PARD3: variants seen among roughly 807,000 people sequenced by gnomAD.
The protein encoded by PARD3 is partitioning defective 3 homolog.
In PARD3, 75 loss-of-function variants were observed where a neutral mutation model predicts 155.4. That is an observed-to-expected ratio of 0.48 (90% CI 0.40 to 0.58). The LOEUF is 0.58. Ranked by LOEUF, PARD3 falls within the 20% of genes least tolerant of loss-of-function variation. The pLI, the probability that PARD3 is intolerant of heterozygous loss-of-function variation, is 0.00. For synonymous variants in PARD3, 576 were observed against 610.5 expected, an observed-to-expected ratio of 0.94 and a Z score of 0.83; for missense variants, 1,642 against 1,721.7, an observed-to-expected ratio of 0.95 and a Z score of 0.82.
chr10:34,553,142 G>A (rs1243599459), intron 2 of PARD3, among the ~76,000 whole-genome samples: 1 of 152,142 alleles, frequency 6.6e-6, no homozygotes, highest in Non-Finnish European at 1.5e-5. Context: ...GATCCACCAA[G>A]CCTGGGAAAT....
At chr10:34,312,150 A>T in intron 20 of PARD3, 1 of 879,058 alleles carries the variant, frequency 1.1e-6, no homozygotes, top group Non-Finnish European at 1.7e-6. Flanking sequence ...AGCGTAATTT[A>T]AACCCCAAGC....
intron 3 of PARD3, among the ~76,000 whole-genome samples, chr10:34,508,199 A>G (rs1207660050): frequency 2.6e-5 from 4 of 152,242 alleles, no homozygotes; most frequent in Non-Finnish European, 4.4e-5. Flanking sequence ...TTAATTAAAT[A>G]CCATCATTTC....
chr10:34,348,244 C>T, intron 14 of PARD3, 129 bp from the exon 15 acceptor site: 1 of 679,312 alleles, frequency 1.5e-6, no homozygotes, highest in Non-Finnish European at 2.2e-6. Context: ...GAACTTTTCA[C>T]CCTGTACCAA....
At chr10:34,653,719 G>A (rs1590424636) in intron 2 of PARD3, among the ~76,000 whole-genome samples, 2 of 150,586 alleles carry the variant, frequency 1.3e-5, no homozygotes, top group Non-Finnish European at 1.5e-5. Flanking sequence ...GGAGCTCAAG[G>A]ATGCAGTGAG....
Position 34,814,962 on chromosome 10 carries a change from C to G in PARD3, c.34G>C (p.Val12Leu). 1.9e-6 allele frequency: 3 copies of G among 1,557,900 alleles called. No homozygotes were observed. The highest frequency in any genetic ancestry group is 2.6e-6 in the Non-Finnish European group (3 of 1,154,234). ...KVTVCFGRTR[V>L]VVPCGDGHMK... Reference sequence around the variant, plus strand: ...TGGCCGTCCCCGCACGGCACGACCACCCGGGTCCGTCCGAAGCACACGGTC... The same window carrying G: ...TGGCCGTCCCCGCACGGCACGACCAGCCGGGTCCGTCCGAAGCACACGGTC... Residue 12 changes from valine (V) to leucine (L), a missense_variant, in exon 1 of 25, where the codon GTG becomes CTG. Physicochemically the swap from Val to Leu is conservative, Grantham distance 32. Coordinates refer to ENST00000374788, the MANE Select transcript of PARD3 (RefSeq NM_001184785.2).
intron 2 of PARD3, among the ~76,000 whole-genome samples, chr10:34,691,383 C>A (rs1203605124): frequency 6.6e-6 from 1 of 152,056 alleles, no homozygotes; most frequent in Non-Finnish European, 1.5e-5. Flanking sequence ...ATACAGCTAA[C>A]CAAAGAAACG....
intron 2 of PARD3, among the ~76,000 whole-genome samples, chr10:34,596,362 A>T (rs1048185426): frequency 3.3e-5 from 5 of 152,200 alleles, no homozygotes; most frequent in African/African-American, 1.2e-4. Context: ...TTATGAAGAA[A>T]TACCTGAGAC....
At chr10:34,249,247 A>G (rs1466714002) in intron 22 of PARD3, among the ~76,000 whole-genome samples, 1 of 152,164 alleles carries the variant, frequency 6.6e-6, no homozygotes, top group Non-Finnish European at 1.5e-5. Flanking sequence ...CCTGGCTTCA[A>G]GCAATCCTCC....
At chr10:34,491,911 A>G (rs1448473760) in intron 3 of PARD3, among the ~76,000 whole-genome samples, 1 of 152,192 alleles carries the variant, frequency 6.6e-6, no homozygotes, top group East Asian at 1.9e-4. Flanking sequence ...TGGGGGGAAA[A>G]AAAATGAAAA....
chr10:34,171,642 C>A (rs191260810), intron 22 of PARD3, among the ~76,000 whole-genome samples: 3 of 151,976 alleles, frequency 2.0e-5, no homozygotes, highest in Non-Finnish European at 2.9e-5. Context: ...TCTGCACAGT[C>A]CTGTATCAAG....
At chr10:34,811,906 A>G (rs1404871955) in intron 1 of PARD3, among the ~76,000 whole-genome samples, 1 of 152,172 alleles carries the variant, frequency 6.6e-6, no homozygotes, top group Non-Finnish European at 1.5e-5. Flanking sequence ...GCGGTTCCCA[A>G]TGTCTAGCAC....
intron 7 of PARD3, among the ~76,000 whole-genome samples, chr10:34,389,275 G>A (rs1486694395): frequency 8.1e-6 from 1 of 124,002 alleles, no homozygotes; most frequent in Non-Finnish European, 1.6e-5. Context: ...AGACAAGCTA[G>A]GGTACAGTAG....
intron 2 of PARD3, among the ~76,000 whole-genome samples, chr10:34,606,810 T>TA (rs1427356727): frequency 6.7e-6 from 1 of 150,236 alleles, no homozygotes; most frequent in East Asian, 2.0e-4. Flanking sequence ...CTACTAAAAA[T>TA]ACAAAAATTA....
At chr10:34,284,080 G>T (rs1393272247) in intron 21 of PARD3, 55 bp downstream of exon 21, 1 of 762,154 alleles carries the variant, frequency 1.3e-6, no homozygotes, top group Non-Finnish European at 2.0e-6. Context: ...AAAGTAGAAA[G>T]AAAAAAAAAA....
At chr10:34,795,516 G>A (rs958091259) in intron 1 of PARD3, among the ~76,000 whole-genome samples, 1 of 151,990 alleles carries the variant, frequency 6.6e-6, no homozygotes, top group East Asian at 1.9e-4. Context: ...AGGCTGAGAG[G>A]TGGGAGAATC....
chr10:34,764,490 G>A (rs568640475), intron 1 of PARD3, among the ~76,000 whole-genome samples: 1 of 152,278 alleles, frequency 6.6e-6, no homozygotes, highest in East Asian at 1.9e-4. Flanking sequence ...TGGGGGATTT[G>A]CTTTGAACTA....
At chr10:34,464,791 T>A (rs906545911) in intron 4 of PARD3, among the ~76,000 whole-genome samples, 1 of 152,084 alleles carries the variant, frequency 6.6e-6, no homozygotes, top group South Asian at 2.1e-4. Context: ...CTTGGATGGT[T>A]CCCCCTGGTA....
At chr10:34,806,648 AC>A (rs1305916998) in intron 1 of PARD3, among the ~76,000 whole-genome samples, 1 of 152,098 alleles carries the variant, frequency 6.6e-6, no homozygotes, top group Non-Finnish European at 1.5e-5. Flanking sequence ...AGCAAAATTT[AC>A]CCTAACTCTG....
intron 22 of PARD3, among the ~76,000 whole-genome samples, chr10:34,143,534 GCTTT>G (rs1948309788): frequency 6.6e-6 from 1 of 152,140 alleles, no homozygotes; most frequent in East Asian, 1.9e-4. Flanking sequence ...CTTTGTTTTT[GCTTT>G]CTGTCTTTAA....
Sources: allele counts gnomAD v4.1 joint callset (sites outside exome capture counted in the v4.1 genomes callset), GRCh38; gene constraint gnomAD v4.1.1; transcripts MANE v1.5; gene names NCBI Gene and HGNC (gene_info 2026-07-23, HGNC 2026-07-21).